CGNL1: variants seen among roughly 807,000 people sequenced by gnomAD.
CGNL1 encodes cingulin-like protein 1.
In CGNL1, 132 loss-of-function variants were observed where a neutral mutation model predicts 141.2. That is an observed-to-expected ratio of 0.93 (90% confidence interval 0.81 to 1.08). CGNL1 has a LOEUF of 1.08. CGNL1 is among the 50% of genes least tolerant of loss of function. The probability of loss-of-function intolerance (pLI) is 0.00; values close to 1 mark genes in which losing one functional copy is unlikely to be tolerated. For synonymous variants in CGNL1, 690 were observed against 622.1 expected, an observed-to-expected ratio of 1.11 and a Z score of -1.63; for missense variants, 1,870 against 1,588.6, an observed-to-expected ratio of 1.18 and a Z score of -3.01.
intron 1 of CGNL1, among the ~76,000 whole-genome samples, chr15:57,383,592 C>G (rs1595642641): frequency 6.8e-6 from 1 of 147,016 alleles, no homozygotes; most frequent in East Asian, 2.1e-4. Context: ...GCCACCACAT[C>G]TGCCTTTTCT....
chr15:57,546,943 A>G (rs2032902360), intron 18 of CGNL1, among the ~76,000 whole-genome samples: 2 of 152,182 alleles, frequency 1.3e-5, no homozygotes. Flanking sequence ...CACTGGCCCC[A>G]AGGTTGGCAT....
At chr15:57,469,750 G>A (rs534615775) in intron 8 of CGNL1, among the ~76,000 whole-genome samples, 55 of 152,252 alleles carry the variant, frequency 3.6e-4, no homozygotes, top group African/African-American at 1.1e-3. Context: ...CTGTGTGTGT[G>A]TATTTTACCC....
chr15:57,411,468 G>A (rs1230713496), intron 1 of CGNL1, among the ~76,000 whole-genome samples: 3 of 146,510 alleles, frequency 2.0e-5, no homozygotes, highest in Non-Finnish European at 3.0e-5. Context: ...TTTTGAGACA[G>A]AGCCTTGCTC....
At chr15:57,453,935 G>A in intron 7 of CGNL1, 117 bp downstream of exon 7, 1 of 1,184,138 alleles carries the variant, frequency 8.4e-7, no homozygotes, top group Non-Finnish European at 1.2e-6. Context: ...CTCCACCTGT[G>A]CTCTTATGAT....
At chr15:57,469,873 G>A (rs34055562) in intron 8 of CGNL1, among the ~76,000 whole-genome samples, 28,104 of 152,146 alleles carry the variant, frequency 0.18, 3,041 homozygotes, top group South Asian at 0.29. Context: ...TGTCTGAAGA[G>A]GTTCTTCCAA....
intron 1 of CGNL1, among the ~76,000 whole-genome samples, chr15:57,433,680 C>T (rs2063071750): frequency 6.6e-6 from 1 of 152,196 alleles, no homozygotes; most frequent in Admixed American, 6.5e-5. Context: ...CCCACCCCAG[C>T]AGCAGCCTGG....
At position 57,544,502 on chromosome 15, in the gene CGNL1, C is replaced by A; in HGVS notation, c.3405C>A (p.His1135Gln). The stretch of plus-strand genomic sequence containing the variant: ...AGGACTTAAAGAGCCGGATTATCCA[C>A]CTGGAAGGTTCCTACAGGTCCAGCA... ...QNKDLKSRII[H>Q]LEGSYRSSKE... The change falls in exon 16 of 19, where the codon CAC becomes CAA. Residue 1135 changes from histidine (H) to glutamine (Q), a missense_variant. Coordinates refer to ENST00000281282, the MANE Select transcript of CGNL1 (RefSeq NM_032866.5). 6.2e-7 allele frequency: 1 copy of A among 1,613,944 alleles called. No individual in the cohort carries two copies. The highest frequency in any genetic ancestry group is 1.1e-5 in the South Asian group (1 of 90,972).
intron 1 of CGNL1, among the ~76,000 whole-genome samples, chr15:57,407,747 A>ATTTT (rs35752757): frequency 6.9e-4 from 94 of 136,226 alleles, no homozygotes; most frequent in African/African-American, 2.4e-3. Context: ...ATTATTCTCA[A>ATTTT]TTTTTTTTTT....
Position 57,546,375 on chromosome 15 carries a change from G to A in CGNL1, c.3773+136G>A, listed in dbSNP as rs542631624. On this transcript the variant is annotated intron_variant, in intron 18 of 18. Transcript: ENST00000281282. ...GCTTTTGGGGTTATCGTATCTTAGA[G>A]ATGAAGGTGGCTGTGTCCACTTTAG... 7.2e-4 allele frequency: 787 copies of A among 1,086,896 alleles called. 1 individual carries two copies. The highest frequency in any genetic ancestry group is 9.4e-4 in the Non-Finnish European group (731 of 774,784). The allele number at this position is 1,086,896 out of a possible 1,614,324, so 67.3% of individuals were successfully genotyped here. A position where few individuals can be genotyped will look rare whatever the true frequency, so the allele number is the denominator to read the frequency against.
chr15:57,500,170 T>C (rs2064002374), intron 8 of CGNL1, among the ~76,000 whole-genome samples: 1 of 152,164 alleles, frequency 6.6e-6, no homozygotes, highest in South Asian at 2.1e-4. Context: ...CTTCATACCC[T>C]TTTCCTTTGG....
Position 57,442,489 on chromosome 15 carries a change from G to A in CGNL1, c.1803+11G>A. The stretch of plus-strand genomic sequence containing the variant: ...CAAGGAAATAACCAAGTAAATGGAA[G>A]TTTTGTATTTTGTAGAGTGCATTTA... On this transcript the variant is annotated intron_variant, in intron 4 of 18. Coordinates refer to ENST00000281282, the MANE Select transcript of CGNL1 (RefSeq NM_032866.5). 6.5e-7 allele frequency: 1 copy of A among 1,539,606 alleles called. No homozygotes were observed. Among genetic ancestry groups the A allele is most frequent in the Non-Finnish European group, 9.0e-7 (1 of 1,112,800 alleles).
chr15:57,387,988 G>A (rs2062502084), intron 1 of CGNL1, among the ~76,000 whole-genome samples: 5 of 152,236 alleles, frequency 3.3e-5, no homozygotes, highest in Admixed American at 3.3e-4. Flanking sequence ...AAGGCTGAAA[G>A]CCACATAGAT....
Position 57,439,448 on chromosome 15 carries a change from T to C in CGNL1, c.1449T>C (p.Arg483=). The C allele has an allele frequency of 6.2e-7, 1 of 1,614,186 alleles. No homozygotes were observed. The highest frequency in any genetic ancestry group is 8.5e-7 in the Non-Finnish European group (1 of 1,180,032). Residue 483 remains arginine, a synonymous_variant, in exon 2 of 19, where the codon CGT becomes CGC. Coordinates refer to ENST00000281282, the MANE Select transcript of CGNL1 (RefSeq NM_032866.5). ...TEGSQESTVI[R]APSLGAQSKK... ...GTAGTCAGGAAAGTACAGTGATCCG[T>C]GCGCCCTCCCTTGGTGCACAGAGTA...
intron 8 of CGNL1, among the ~76,000 whole-genome samples, chr15:57,484,760 C>T (rs563015688): frequency 4.4e-4 from 67 of 152,170 alleles, no homozygotes; most frequent in African/African-American, 1.6e-3. Flanking sequence ...TGTTCCCCTC[C>T]CTGTGTTCTC....
chr15:57,499,284 C>T (rs1306190147), intron 8 of CGNL1, among the ~76,000 whole-genome samples: 1 of 126,800 alleles, frequency 7.9e-6, no homozygotes, highest in African/African-American at 3.2e-5. Flanking sequence ...CTCACTGTGT[C>T]ACCCAGGCTG....
At chr15:57,413,581 C>T (rs1202178945) in intron 1 of CGNL1, among the ~76,000 whole-genome samples, 6 of 152,250 alleles carry the variant, frequency 3.9e-5, no homozygotes, top group Non-Finnish European at 8.8e-5. Context: ...CCACCATGCC[C>T]GGCCAGCATC....
At chr15:57,417,607 C>CGT (rs1555432426) in intron 1 of CGNL1, among the ~76,000 whole-genome samples, 1 of 145,144 alleles carries the variant, frequency 6.9e-6, no homozygotes, top group African/African-American at 2.5e-5. Flanking sequence ...TGAAATAGTG[C>CGT]TTTTTTTTTT....
chr15:57,403,973 C>A (rs1301051823), intron 1 of CGNL1, among the ~76,000 whole-genome samples: 1 of 152,218 alleles, frequency 6.6e-6, no homozygotes, highest in Non-Finnish European at 1.5e-5. Flanking sequence ...GGCTGATGCT[C>A]AGAGCCAAGA....
Position 57,480,929 on chromosome 15 carries a change from T to G in CGNL1, c.2403+19037T>G, listed in dbSNP as rs184085923. Among the ~76,000 whole-genome samples the G allele has an allele frequency of 2.1e-3, 320 of 152,228 alleles. 3 individuals are homozygous for G. Among genetic ancestry groups the G allele is most frequent in the African/African-American group, 7.2e-3 (298 of 41,528 alleles). ...TTTGTTTGATATGTCATTGTAGATT[T>G]TCTATTATTTCCCCCAAATCATTCC... On this transcript the variant is annotated intron_variant, in intron 8 of 18. Coordinates refer to ENST00000281282, the MANE Select transcript of CGNL1 (RefSeq NM_032866.5).
Sources: allele counts gnomAD v4.1 joint callset (sites outside exome capture counted in the v4.1 genomes callset), GRCh38; gene constraint gnomAD v4.1.1; transcripts MANE v1.5; gene names NCBI Gene and HGNC (gene_info 2026-07-23, HGNC 2026-07-21).